Variants in RSRC1 observed in about 807,000 individuals in gnomAD.
The protein encoded by RSRC1 is arginine and serine rich coiled-coil 1, also known as serine/Arginine-related protein 53.
RSRC1 carries 39 observed loss-of-function variants against 49.1 expected under a neutral mutation model. That is an observed-to-expected ratio of 0.79 (90% CI 0.61 to 1.04). The LOEUF is 1.04. Among genes scored for constraint, RSRC1 ranks in the 50% least tolerant of loss-of-function variants. RSRC1 has a pLI of 0.00. For missense variants in RSRC1, 388 were observed against 402.4 expected (o/e 0.96, Z 0.31); for synonymous variants, 143 against 130.8 (o/e 1.09, Z -0.63).
At chr3:158,186,849 A>G (rs1318500880) in intron 3 of RSRC1, among the ~76,000 whole-genome samples, 1 of 151,750 alleles carries the variant, frequency 6.6e-6, no homozygotes, top group African/African-American at 2.4e-5. Context: ...GAGACCAGAG[A>G]TGATGATTGG....
chr3:158,377,903 T>C (rs1732462241), intron 6 of RSRC1, among the ~76,000 whole-genome samples: 1 of 152,084 alleles, frequency 6.6e-6, no homozygotes, highest in Non-Finnish European at 1.5e-5. Context: ...TCAAATGATC[T>C]GCCCCCCTCA....
At chr3:158,147,057 C>T (rs1342618742) in intron 3 of RSRC1, among the ~76,000 whole-genome samples, 1 of 147,406 alleles carries the variant, frequency 6.8e-6, no homozygotes, top group Non-Finnish European at 1.5e-5. Flanking sequence ...TGCTGCCTCC[C>T]CCTCCCTCTC....
chr3:158,171,880 A>C (rs543558589), intron 3 of RSRC1, among the ~76,000 whole-genome samples: 2 of 152,042 alleles, frequency 1.3e-5, no homozygotes, highest in Non-Finnish European at 2.9e-5. Flanking sequence ...GAATCCTGGA[A>C]GGTCAAGGCA....
chr3:158,385,896 A>G (rs1381760233), intron 6 of RSRC1, among the ~76,000 whole-genome samples: 1 of 152,168 alleles, frequency 6.6e-6, no homozygotes, highest in African/African-American at 2.4e-5. Context: ...CTCAGAGCCC[A>G]TTAGTCATTG....
intron 6 of RSRC1, among the ~76,000 whole-genome samples, chr3:158,459,307 A>G (rs1560052074): frequency 6.6e-6 from 1 of 152,168 alleles, no homozygotes; most frequent in Non-Finnish European, 1.5e-5. Context: ...AAATAGATAA[A>G]TCAGATTTAG....
chr3:158,528,494 A>G (rs2108497322), intron 7 of RSRC1, among the ~76,000 whole-genome samples: 1 of 151,972 alleles, frequency 6.6e-6, no homozygotes, highest in East Asian at 1.9e-4. Context: ...ACAGTGACAA[A>G]TGTGGTGTGC....
At chr3:158,174,940 G>C (rs986809000) in intron 3 of RSRC1, among the ~76,000 whole-genome samples, 4 of 151,950 alleles carry the variant, frequency 2.6e-5, no homozygotes, top group South Asian at 4.1e-4. Context: ...CCTACCATTG[G>C]TATATGAGAG....
At chr3:158,467,895 A>G (rs1027619574) in intron 7 of RSRC1, among the ~76,000 whole-genome samples, 2 of 152,244 alleles carry the variant, frequency 1.3e-5, no homozygotes, top group African/African-American at 4.8e-5. Context: ...ACCAGCACAG[A>G]AGCAACTCCA....
chr3:158,523,371 CT>C (rs1166128489), intron 7 of RSRC1, among the ~76,000 whole-genome samples: 2 of 152,016 alleles, frequency 1.3e-5, no homozygotes, highest in Non-Finnish European at 2.9e-5. Flanking sequence ...GATGTCTATA[CT>C]CCCTGTTTTA....
Position 158,403,751 on chromosome 3 carries a change from C to T in RSRC1, c.583+48843C>T, listed in dbSNP as rs530474364. Among the ~76,000 whole-genome samples the T allele has an allele frequency of 1.1e-3, 160 of 151,680 alleles. 1 individual carries two copies. Among genetic ancestry groups the T allele is most frequent in the African/African-American group, 3.6e-3 (150 of 41,484 alleles). On this transcript the variant is annotated intron_variant, in intron 6 of 9. Transcript: ENST00000611884. ...AGCATTGATTATTAATAATGTGTTC[C>T]TATTTTATGAGTTATTTAACAAGAG... is the stretch of plus-strand genomic sequence containing the variant.
chr3:158,197,168 T>C (rs1456827753), intron 3 of RSRC1, among the ~76,000 whole-genome samples: 1 of 152,240 alleles, frequency 6.6e-6, no homozygotes, highest in East Asian at 1.9e-4. Context: ...AATTGTTGCC[T>C]CAATTTCAGA....
chr3:158,141,887 C>G (rs988460258), intron 3 of RSRC1, among the ~76,000 whole-genome samples: 1 of 152,136 alleles, frequency 6.6e-6, no homozygotes, highest in Non-Finnish European at 1.5e-5. Flanking sequence ...CACTTGAGCT[C>G]AGGAGTTCGA....
At chr3:158,471,238 G>A (rs1342783787) in intron 7 of RSRC1, among the ~76,000 whole-genome samples, 2 of 152,136 alleles carry the variant, frequency 1.3e-5, no homozygotes, top group Non-Finnish European at 2.9e-5. Context: ...AAGTAGATTA[G>A]GATATAAACT....
rs904987249 is a variant in RSRC1 at position 158,545,651 on chromosome 3, C to G, written c.*1376C>G. ...TAAGTGATGATGAAATATTTGTTTT[C>G]ATACAAACATGCTTTCCCATTCTAA... On this transcript the variant is annotated 3_prime_UTR_variant, in exon 10 of 10. Coordinates refer to ENST00000611884, the MANE Select transcript of RSRC1 (RefSeq NM_001271838.2). 8 of 152,096 alleles carry G rather than the reference C, an allele frequency of 5.3e-5. No individual in the cohort carries two copies. The highest frequency in any genetic ancestry group is 8.8e-5 in the Non-Finnish European group (6 of 68,028). The allele number at this position is 152,096 out of a possible 1,614,324, so 9.4% of individuals were successfully genotyped here.
At chr3:158,527,313 C>CT (rs995505780) in intron 7 of RSRC1, among the ~76,000 whole-genome samples, 143 of 151,946 alleles carry the variant, frequency 9.4e-4, no homozygotes, top group African/African-American at 3.4e-3. Context: ...GACATAAAAA[C>CT]TTGCAAACAG....
chr3:158,219,848 A>G (rs1722135919), intron 4 of RSRC1, among the ~76,000 whole-genome samples: 2 of 151,660 alleles, frequency 1.3e-5, no homozygotes, highest in Admixed American at 1.3e-4. Context: ...ACTGAATGAT[A>G]ATGTGGAGAC....
chr3:158,432,265 T>C (rs1332570674), intron 6 of RSRC1, among the ~76,000 whole-genome samples: 1 of 152,024 alleles, frequency 6.6e-6, no homozygotes, highest in Admixed American at 6.6e-5. Context: ...TCTGATAGAC[T>C]GTGACACAGA....
chr3:158,274,573 C>T (rs1265252758), intron 4 of RSRC1, among the ~76,000 whole-genome samples: 7 of 152,012 alleles, frequency 4.6e-5, no homozygotes, highest in Admixed American at 3.3e-4. Context: ...AGGAGAAAAT[C>T]GGTTCAGAGA....
chr3:158,485,262 A>AC (rs950257983), intron 7 of RSRC1, among the ~76,000 whole-genome samples: 40 of 151,994 alleles, frequency 2.6e-4, no homozygotes, highest in African/African-American at 9.2e-4. Flanking sequence ...TTGGTGAATC[A>AC]CTGAAATTAT....
Sources: allele counts gnomAD v4.1 joint callset (sites outside exome capture counted in the v4.1 genomes callset), GRCh38; gene constraint gnomAD v4.1.1; transcripts MANE v1.5; gene names NCBI Gene and HGNC (gene_info 2026-07-23, HGNC 2026-07-21).